ST6GALNAC3: variants seen among roughly 807,000 people sequenced by gnomAD.
The protein encoded by ST6GALNAC3 is ST6 N-acetylgalactosaminide alpha-2,6-sialyltransferase 3.
Under a neutral mutation model 32.7 loss-of-function variants are expected in ST6GALNAC3, and 25 were observed. The ratio of observed to expected loss-of-function variants is 0.76; its 90% confidence interval spans 0.56 to 1.07. The LOEUF (loss-of-function observed/expected upper bound fraction) is 1.07. ST6GALNAC3 is among the 50% of genes least tolerant of loss of function. The probability of loss-of-function intolerance (pLI) is 0.00; values close to 1 mark genes in which losing one functional copy is unlikely to be tolerated. For missense variants in ST6GALNAC3, 355 were observed against 382.4 expected, an observed-to-expected ratio of 0.93 and a Z score of 0.60; for synonymous variants, 129 against 133.1, an observed-to-expected ratio of 0.97 and a Z score of 0.21.
intron 2 of ST6GALNAC3, among the ~76,000 whole-genome samples, chr1:76,344,675 G>T (rs12058399): frequency 6.6e-6 from 1 of 152,116 alleles, no homozygotes; most frequent in Non-Finnish European, 1.5e-5. Flanking sequence ...TTTGAAAACT[G>T]CCAGGTCTGG....
intron 3 of ST6GALNAC3, among the ~76,000 whole-genome samples, chr1:76,501,128 C>T (rs1449750258): frequency 1.3e-5 from 2 of 152,142 alleles, no homozygotes; most frequent in African/African-American, 2.4e-5. Context: ...AAAATACATG[C>T]CTTTCCTTTT....
At chr1:76,460,257 C>A (rs1658189481) in intron 3 of ST6GALNAC3, among the ~76,000 whole-genome samples, 1 of 152,006 alleles carries the variant, frequency 6.6e-6, no homozygotes, top group South Asian at 2.1e-4. Context: ...TTTTCAAGCG[C>A]TTGTTGACCA....
chr1:76,174,770 G>A (rs1652746726), intron 1 of ST6GALNAC3, among the ~76,000 whole-genome samples: 1 of 150,632 alleles, frequency 6.6e-6, no homozygotes, highest in Non-Finnish European at 1.5e-5. Context: ...GGGTTCAAGC[G>A]ATTCTCCTGC....
chr1:76,153,954 G>A (rs1445439949), intron 1 of ST6GALNAC3, among the ~76,000 whole-genome samples: 1 of 152,172 alleles, frequency 6.6e-6, no homozygotes, highest in African/African-American at 2.4e-5. Flanking sequence ...CTGGCTTAAA[G>A]AGTTGGCTTG....
chr1:76,144,454 G>A (rs945050329), intron 1 of ST6GALNAC3, among the ~76,000 whole-genome samples: 1 of 152,148 alleles, frequency 6.6e-6, no homozygotes, highest in Non-Finnish European at 1.5e-5. Flanking sequence ...ACAAATATTG[G>A]AGTGTGTTGG....
At chr1:76,595,083 A>G (rs1647113507) in intron 3 of ST6GALNAC3, among the ~76,000 whole-genome samples, 1 of 152,158 alleles carries the variant, frequency 6.6e-6, no homozygotes. Context: ...GCAATGGATG[A>G]AAGGGGTACT....
intron 2 of ST6GALNAC3, among the ~76,000 whole-genome samples, chr1:76,320,270 G>T (rs954957417): frequency 2.0e-5 from 3 of 152,172 alleles, no homozygotes; most frequent in African/African-American, 7.2e-5. Flanking sequence ...GACACTATAT[G>T]GAAAGCTACA....
At chr1:76,336,621 G>A (rs887474552) in intron 2 of ST6GALNAC3, among the ~76,000 whole-genome samples, 4 of 152,138 alleles carry the variant, frequency 2.6e-5, no homozygotes, top group African/African-American at 7.2e-5. Flanking sequence ...AAGTTTAAAT[G>A]ACTGGTCCAC....
intron 3 of ST6GALNAC3, among the ~76,000 whole-genome samples, chr1:76,556,693 C>T (rs1312312219): frequency 6.6e-6 from 1 of 151,994 alleles, no homozygotes; most frequent in Admixed American, 6.6e-5. Context: ...TTCTTCAAAT[C>T]GTTTGACCAT....
At chr1:76,349,260 TA>T (rs1407530956) in intron 2 of ST6GALNAC3, among the ~76,000 whole-genome samples, 1 of 152,130 alleles carries the variant, frequency 6.6e-6, no homozygotes, top group Non-Finnish European at 1.5e-5. Flanking sequence ...ATGAGATTCT[TA>T]AAAGTGTCCA....
chr1:76,181,701 G>A (rs1653191811), intron 1 of ST6GALNAC3, among the ~76,000 whole-genome samples: 4 of 152,140 alleles, frequency 2.6e-5, no homozygotes, highest in Admixed American at 2.6e-4. Context: ...CAAGTAGTTT[G>A]CTTATTAACC....
chr1:76,149,645 C>T (rs1266977464), intron 1 of ST6GALNAC3, among the ~76,000 whole-genome samples: 4 of 152,086 alleles, frequency 2.6e-5, no homozygotes, highest in Admixed American at 2.6e-4. Context: ...GGATTTCCTT[C>T]TTCTTTAAGG....
intron 1 of ST6GALNAC3, among the ~76,000 whole-genome samples, chr1:76,081,214 TG>T (rs1646890158): frequency 6.6e-6 from 1 of 150,672 alleles, no homozygotes; most frequent in African/African-American, 2.5e-5. Context: ...TTGGCTTCCT[TG>T]GGCCACATTG....
intron 1 of ST6GALNAC3, among the ~76,000 whole-genome samples, chr1:76,237,735 G>GA (rs989156464): frequency 6.6e-5 from 10 of 151,978 alleles, no homozygotes; most frequent in Admixed American, 2.6e-4. Flanking sequence ...ATTCTAGATA[G>GA]AAAAAAAATA....
At chr1:76,391,162 G>A (rs1256569117) in intron 2 of ST6GALNAC3, among the ~76,000 whole-genome samples, 1 of 151,904 alleles carries the variant, frequency 6.6e-6, no homozygotes, top group Non-Finnish European at 1.5e-5. Flanking sequence ...GGATGGTCTC[G>A]ATCTCATGAC....
chr1:76,157,419 A>G (rs560467443), intron 1 of ST6GALNAC3, among the ~76,000 whole-genome samples: 1 of 152,350 alleles, frequency 6.6e-6, no homozygotes, highest in Non-Finnish European at 1.5e-5. Context: ...CATATGTAGC[A>G]GTATCAAAAT....
At chr1:76,575,851 T>A (rs1230307464) in intron 3 of ST6GALNAC3, among the ~76,000 whole-genome samples, 1 of 151,992 alleles carries the variant, frequency 6.6e-6, no homozygotes, top group Non-Finnish European at 1.5e-5. Context: ...AAATAAGAGC[T>A]CCTGGTTAAA....
At chr1:76,175,450 A>C (rs1430075797) in intron 1 of ST6GALNAC3, among the ~76,000 whole-genome samples, 1 of 151,806 alleles carries the variant, frequency 6.6e-6, no homozygotes, top group African/African-American at 2.4e-5. Flanking sequence ...GAGAACATGA[A>C]ATCTTATTTT....
At chr1:76,547,348 A>C (rs1411633713) in intron 3 of ST6GALNAC3, among the ~76,000 whole-genome samples, 1 of 152,238 alleles carries the variant, frequency 6.6e-6, no homozygotes, top group Non-Finnish European at 1.5e-5. Flanking sequence ...ATACTCTTCA[A>C]CAATGAAGTT....
Sources: allele counts gnomAD v4.1 joint callset (sites outside exome capture counted in the v4.1 genomes callset), GRCh38; gene constraint gnomAD v4.1.1; transcripts MANE v1.5; gene names NCBI Gene and HGNC (gene_info 2026-07-23, HGNC 2026-07-21).